The following RTF1 variants were observed in gnomAD, a reference collection of about 807,000 sequenced individuals.
RTF1 encodes RTF1 homolog, Paf1/RNA polymerase II complex component.
In RTF1, 10 loss-of-function variants were observed where a neutral mutation model predicts 95.7. The ratio of observed to expected loss-of-function variants is 0.10; its 90% CI spans 0.06 to 0.18. RTF1 has a LOEUF of 0.18. Ranked by LOEUF, RTF1 falls within the 10% of genes least tolerant of loss-of-function variation. The pLI is 1.00. For missense variants in RTF1, 458 were observed against 875.6 expected, an observed-to-expected ratio of 0.52 and a Z score of 6.02; for synonymous variants, 305 against 311.8, an observed-to-expected ratio of 0.98 and a Z score of 0.23.
chr15:41,480,776 G>A lies in RTF1; in HGVS notation c.*89G>A. ...TCCTTTGATTTAGCCTCTTTGGGCT[G>A]GAGCAGCTGTTGAACTGGGAAGAGA... is the stretch of plus-strand genomic sequence containing the variant. On this transcript the variant is annotated 3_prime_UTR_variant, in exon 18 of 18. Coordinates refer to ENST00000389629, the MANE Select transcript of RTF1 (RefSeq NM_015138.5). The A allele has an allele frequency of 1.1e-6, 1 of 937,578 alleles. No individual in the cohort carries two copies. The highest frequency in any genetic ancestry group is 1.7e-6 in the Non-Finnish European group (1 of 580,042). The allele number at this position is 937,578 out of a possible 1,614,324, so 58.1% of individuals were successfully genotyped here.
Position 41,451,429 on chromosome 15 carries a change from T to C in RTF1, c.310-1472T>C, listed in dbSNP as rs146427162. Among the ~76,000 whole-genome samples the C allele has an allele frequency of 2.5e-3, 378 of 152,310 alleles. 1 individual carries two copies. The highest frequency in any genetic ancestry group is 8.6e-3 in the African/African-American group (358 of 41,576). ...AGTGGTTGTATGGCCTTTCAACTTA[T>C]AATTAAAGTGCTTGATGAAGATGGT... On this transcript the variant is annotated intron_variant, in intron 2 of 17. Coordinates refer to ENST00000389629, the MANE Select transcript of RTF1 (RefSeq NM_015138.5).
intron 6 of RTF1, among the ~76,000 whole-genome samples, chr15:41,468,419 A>G (rs111371454): frequency 0.34 from 50,890 of 151,398 alleles, 8,682 homozygotes; most frequent in African/African-American, 0.4. Flanking sequence ...CTGGGTTCAC[A>G]CCATTCTCCT....
Position 41,483,333 on chromosome 15 carries a change from G to C in RTF1, c.*2646G>C, listed in dbSNP as rs1233680134. The C allele has an allele frequency of 1.3e-5, 2 of 152,544 alleles. No individual in the cohort carries two copies. The highest frequency in any genetic ancestry group is 4.8e-5 in the African/African-American group (2 of 41,420). The allele number at this position is 152,544 out of a possible 1,614,324, so 9.4% of individuals were successfully genotyped here. A position where few individuals can be genotyped will look rare whatever the true frequency, so the allele number is the denominator to read the frequency against. ...GTTGAAGGGTGCAGCACCCAAGGTT[G>C]TTTTTATGCATTTTTTCAGTTCCTT... On this transcript the variant is annotated 3_prime_UTR_variant, in exon 18 of 18. Coordinates refer to ENST00000389629, the MANE Select transcript of RTF1 (RefSeq NM_015138.5).
rs1427717679 is a variant in RTF1, at chr15:41,481,312, T to C, written c.*625T>C. On this transcript the variant is annotated 3_prime_UTR_variant, in exon 18 of 18. Transcript: ENST00000389629. ...GTGTGTGTAAGTGTGTGGATTTTTT[T>C]ATCATTTTTTTAAAATGCAGTACTC... The C allele has an allele frequency of 6.6e-6, 1 of 152,666 alleles. No homozygotes were observed. The highest frequency in any genetic ancestry group is 2.4e-5 in the African/African-American group (1 of 41,364). The allele number at this position is 152,666 out of a possible 1,614,324, so 9.5% of individuals were successfully genotyped here. A position where few individuals can be genotyped will look rare whatever the true frequency, so the allele number is the denominator to read the frequency against.
At chr15:41,477,588 TAA>T in intron 14 of RTF1, 73 bp downstream of exon 14, 1 of 1,399,700 alleles carries the variant, frequency 7.1e-7, no homozygotes, top group Non-Finnish European at 1.0e-6. Flanking sequence ...ACATCTTGCC[TAA>T]GTTTATTTTT....
intron 2 of RTF1, among the ~76,000 whole-genome samples, chr15:41,448,558 A>C (rs1224726141): frequency 6.6e-6 from 1 of 151,776 alleles, no homozygotes; most frequent in East Asian, 1.9e-4. Flanking sequence ...GTCTCTACTA[A>C]AAATACAAAA....
At chr15:41,449,648 A>AT (rs201254215) in intron 2 of RTF1, among the ~76,000 whole-genome samples, 31 of 146,146 alleles carry the variant, frequency 2.1e-4, no homozygotes, top group South Asian at 2.2e-4. Context: ...TGGCCTGGTG[A>AT]TTTTTTTTTT....
chr15:41,438,860 CAAAA>C (rs1193046414), intron 2 of RTF1, among the ~76,000 whole-genome samples: 1 of 131,592 alleles, frequency 7.6e-6, no homozygotes, highest in Non-Finnish European at 1.6e-5. Context: ...GACTCTGTCT[CAAAA>C]AAAAAAAGAA....
intron 3 of RTF1, among the ~76,000 whole-genome samples, chr15:41,455,603 G>C (rs532262161): frequency 2.2e-4 from 33 of 151,830 alleles, no homozygotes; most frequent in African/African-American, 8.0e-4. Context: ...TCAGGAGTTT[G>C]AGACCAGCCT....
chr15:41,467,551 C>T (rs1301077666), intron 6 of RTF1, among the ~76,000 whole-genome samples: 4 of 151,990 alleles, frequency 2.6e-5, no homozygotes, highest in African/African-American at 9.7e-5. Context: ...CCCATCTCTA[C>T]AAAAAATACA....
At chr15:41,448,523 C>G (rs747408739) in intron 2 of RTF1, among the ~76,000 whole-genome samples, 1 of 151,798 alleles carries the variant, frequency 6.6e-6, no homozygotes, top group African/African-American at 2.4e-5. Flanking sequence ...CATTTTCGCC[C>G]GGGTATAGTG....
At chr15:41,472,331 C>G (rs866134190) in intron 8 of RTF1, among the ~76,000 whole-genome samples, 1 of 149,124 alleles carries the variant, frequency 6.7e-6, no homozygotes, top group South Asian at 2.1e-4. Flanking sequence ...CTCAGCCTCC[C>G]GAGTAGCTAG....
At position 41,477,457 on chromosome 15, in the gene RTF1, G is replaced by A; in HGVS notation, c.1683-1G>A. The A allele has an allele frequency of 6.2e-7, 1 of 1,614,184 alleles. No homozygotes were observed. The highest frequency in any genetic ancestry group is 8.5e-7 in the Non-Finnish European group (1 of 1,180,032). On this transcript the variant is annotated splice_acceptor_variant, in intron 13 of 17. Coordinates refer to ENST00000389629, the MANE Select transcript of RTF1 (RefSeq NM_015138.5). LOFTEE classifies it high-confidence loss of function. ...ACTGACTCATCCCTCTTACCCCACA[G>A]TTACATCAACCAGCGGAACCGGGAG...
At chr15:41,418,955 C>T (rs969533623) in intron 1 of RTF1, among the ~76,000 whole-genome samples, 1 of 151,874 alleles carries the variant, frequency 6.6e-6, no homozygotes, top group South Asian at 2.1e-4. Context: ...AAGGGGAGGA[C>T]TTTTAAGAAG....
At position 41,457,930 on chromosome 15, in the gene RTF1, T is replaced by G. The variant is rs1342583988; in HGVS notation, c.662+54T>G. The G allele has an allele frequency of 1.8e-5, 25 of 1,378,878 alleles. No individual in the cohort carries two copies. In the East Asian group the frequency reaches 6.3e-4, roughly 35 times the overall value. The allele number at this position is 1,378,878 out of a possible 1,614,324, so 85.4% of individuals were successfully genotyped here. On this transcript the variant is annotated intron_variant, in intron 4 of 17. Coordinates refer to ENST00000389629, the MANE Select transcript of RTF1 (RefSeq NM_015138.5). ...CCCGCCCCCACCTTTTCTGTTCATC[T>G]CTTTTCTCATACTTCCCTGTCCTTC...
chr15:41,424,795 G>A (rs2140944717), intron 1 of RTF1, among the ~76,000 whole-genome samples: 1 of 152,256 alleles, frequency 6.6e-6, no homozygotes, highest in South Asian at 2.1e-4. Flanking sequence ...TGGATCATAT[G>A]AGGCCAGGAG....
intron 1 of RTF1, among the ~76,000 whole-genome samples, chr15:41,418,784 C>CAA (rs753790136): frequency 0.033 from 1,719 of 52,746 alleles, 44 homozygotes; most frequent in African/African-American, 0.1. Flanking sequence ...AACTCCATCA[C>CAA]AAAAAAAAAA....
At chr15:41,478,273 C>T (rs1460670686) in intron 14 of RTF1, among the ~76,000 whole-genome samples, 1 of 151,930 alleles carries the variant, frequency 6.6e-6, no homozygotes, top group African/African-American at 2.4e-5. Context: ...TGGTGGCTTG[C>T]ACCTATAGTC....
intron 3 of RTF1, among the ~76,000 whole-genome samples, chr15:41,456,066 C>T (rs146354938): frequency 2.0e-5 from 3 of 151,626 alleles, no homozygotes; most frequent in Admixed American, 6.6e-5. Context: ...ATTAGCCGGG[C>T]GTGGTGGCAT....
Sources: allele counts gnomAD v4.1 joint callset (sites outside exome capture counted in the v4.1 genomes callset), GRCh38; gene constraint gnomAD v4.1.1; transcripts MANE v1.5; gene names NCBI Gene and HGNC (gene_info 2026-07-23, HGNC 2026-07-21).